The following THSD7B variants were observed in gnomAD, a reference collection of about 807,000 sequenced individuals.
The protein encoded by THSD7B is thrombospondin type 1 domain containing 7B, also known as thrombospondin type-1 domain-containing protein 7B.
In THSD7B, 138 loss-of-function variants were observed where a neutral mutation model predicts 213.6. The ratio of observed to expected loss-of-function variants is 0.65; its 90% CI spans 0.56 to 0.74. The LOEUF (loss-of-function observed/expected upper bound fraction) is 0.74. Among genes scored for constraint, THSD7B ranks in the 30% least tolerant of loss-of-function variants. The pLI is 0.00. For missense variants in THSD7B, 1,931 were observed against 1,991.5 expected, an observed-to-expected ratio of 0.97 and a Z score of 0.58; for synonymous variants, 742 against 687.0, an observed-to-expected ratio of 1.08 and a Z score of -1.25.
rs1021763319 is a variant in THSD7B, at chr2:137,017,242, G to A, written c.140-39178G>A. On this transcript the variant is annotated intron_variant, in intron 2 of 27. Transcript: ENST00000409968. ...AAAAGAAAACAGCAAACATGGAATA[G>A]GTAGCTGAGGCGAAACTGAAGTTGA... 6.6e-5 allele frequency among the ~76,000 whole-genome samples: 10 copies of A among 151,796 alleles called. No individual in the cohort carries two copies. In the East Asian group the frequency reaches 1.9e-3, roughly 29 times the overall value.
chr2:137,044,432 C>T lies in THSD7B; in HGVS notation c.140-11988C>T, dbSNP rs112444163. 5.9e-3 allele frequency among the ~76,000 whole-genome samples: 905 copies of T among 152,204 alleles called. 12 individuals carry two copies. Among genetic ancestry groups the T allele is most frequent in the African/African-American group, 0.021 (876 of 41,522 alleles). On this transcript the variant is annotated intron_variant, in intron 2 of 27. Transcript: ENST00000409968. ...GGTTACTATGATGAACCTGTGACCA[C>T]CATGATAATTTCATCTCCCAGCACT...
At chr2:137,226,619 A>G (rs1251944505) in intron 7 of THSD7B, among the ~76,000 whole-genome samples, 2 of 151,798 alleles carry the variant, frequency 1.3e-5, no homozygotes, top group Non-Finnish European at 2.9e-5. Context: ...GGCAGGTATT[A>G]GAAGAGTAGT....
chr2:137,397,497 C>T (rs1686223791), intron 12 of THSD7B, among the ~76,000 whole-genome samples: 1 of 151,846 alleles, frequency 6.6e-6, no homozygotes, highest in Non-Finnish European at 1.5e-5. Context: ...TTGGCCCCCA[C>T]TCTCTTCTGG....
At chr2:137,577,930 G>A (rs1375730285) in intron 17 of THSD7B, among the ~76,000 whole-genome samples, 1 of 152,174 alleles carries the variant, frequency 6.6e-6, no homozygotes, top group African/African-American at 2.4e-5. Context: ...GAGAATTGGA[G>A]AGAGAAGAGA....
intron 15 of THSD7B, among the ~76,000 whole-genome samples, chr2:137,499,668 G>A (rs1679655498): frequency 1.3e-5 from 2 of 152,100 alleles, no homozygotes; most frequent in South Asian, 4.1e-4. Flanking sequence ...CTCACCAATG[G>A]ATATGAGACA....
At chr2:137,412,718 G>A (rs1481682381) in intron 14 of THSD7B, among the ~76,000 whole-genome samples, 1 of 151,196 alleles carries the variant, frequency 6.6e-6, no homozygotes, top group Non-Finnish European at 1.5e-5. Context: ...AGTTTTGTCA[G>A]ATGTTAATCT....
intron 20 of THSD7B, 123 bp from the exon 21 acceptor site, chr2:137,642,364 GT>G: frequency 8.3e-7 from 1 of 1,201,240 alleles, no homozygotes; most frequent in Non-Finnish European, 1.1e-6. Flanking sequence ...AAAACTAAAA[GT>G]GAGATAGGAC....
At chr2:137,604,790 T>C (rs1237521028) in intron 17 of THSD7B, among the ~76,000 whole-genome samples, 3 of 152,200 alleles carry the variant, frequency 2.0e-5, no homozygotes, top group South Asian at 4.1e-4. Context: ...ACAATATAAC[T>C]ATTACCTTAA....
In THSD7B at chr2:137,094,435, G is replaced by T. The variant is rs539635614; in HGVS notation, c.951-438G>T. On this transcript the variant is annotated intron_variant, in intron 3 of 27. Coordinates refer to ENST00000409968, the MANE Select transcript of THSD7B (RefSeq NM_001316349.2). ...AAAATACAAAAATTAGCTGGGCATG[G>T]TGGTGTGTTTCTGTAGTCTCAGCTA... Among the ~76,000 whole-genome samples the T allele has an allele frequency of 3.3e-5, 5 of 152,244 alleles. No homozygotes were observed. In the South Asian group the frequency reaches 6.2e-4, roughly 19 times the overall value.
intron 12 of THSD7B, among the ~76,000 whole-genome samples, chr2:137,293,510 A>C (rs767505943): frequency 8.1e-5 from 12 of 148,434 alleles, no homozygotes; most frequent in Non-Finnish European, 1.6e-4. Context: ...CTCTCTCTCT[A>C]TCTTTCTATC....
chr2:137,436,909 T>A (rs764199426), intron 14 of THSD7B, among the ~76,000 whole-genome samples: 3 of 152,162 alleles, frequency 2.0e-5, no homozygotes, highest in Non-Finnish European at 4.4e-5. Context: ...AGGTGTGAAA[T>A]CAAAGCCAGA....
At chr2:136,782,621 G>A (rs1681763148) in intron 1 of THSD7B, among the ~76,000 whole-genome samples, 2 of 151,966 alleles carry the variant, frequency 1.3e-5, no homozygotes, top group South Asian at 2.1e-4. Flanking sequence ...GGCTGGGGTG[G>A]TTGGGGGGTT....
intron 7 of THSD7B, among the ~76,000 whole-genome samples, chr2:137,189,412 C>A (rs906675987): frequency 1.3e-5 from 2 of 152,156 alleles, no homozygotes; most frequent in Admixed American, 1.3e-4. Context: ...TTGTCCACAT[C>A]CATTATGATG....
At chr2:137,209,121 A>G (rs1024151017) in intron 7 of THSD7B, among the ~76,000 whole-genome samples, 1 of 152,070 alleles carries the variant, frequency 6.6e-6, no homozygotes, top group African/African-American at 2.4e-5. Flanking sequence ...CCCAGGAATG[A>G]CCAAGGACAG....
At chr2:136,965,200 C>T (rs1419321425) in intron 2 of THSD7B, among the ~76,000 whole-genome samples, 1 of 152,138 alleles carries the variant, frequency 6.6e-6, no homozygotes, top group Non-Finnish European at 1.5e-5. Context: ...GCACAGTTAA[C>T]ACGGCTTCTA....
At chr2:137,359,433 A>T (rs1259991220) in intron 12 of THSD7B, among the ~76,000 whole-genome samples, 2 of 152,202 alleles carry the variant, frequency 1.3e-5, no homozygotes, top group Non-Finnish European at 1.5e-5. Context: ...ACATCAGAGT[A>T]GAGGAAGAGG....
intron 13 of THSD7B, 128 bp from the exon 14 acceptor site, chr2:137,411,481 A>G (rs2105012465): frequency 1.1e-6 from 1 of 874,106 alleles, no homozygotes; most frequent in South Asian, 2.2e-5. Context: ...TTTCATGACA[A>G]AAGAGTGAAG....
chr2:137,643,520 A>G (rs1682975427), intron 21 of THSD7B, among the ~76,000 whole-genome samples: 1 of 152,228 alleles, frequency 6.6e-6, no homozygotes, highest in Admixed American at 6.5e-5. Context: ...TCATTTTTAG[A>G]GAAAATAAGA....
At chr2:137,494,506 G>A (rs937119838) in intron 15 of THSD7B, among the ~76,000 whole-genome samples, 6 of 152,090 alleles carry the variant, frequency 3.9e-5, no homozygotes, top group African/African-American at 1.4e-4. Context: ...GTGATCATGT[G>A]ACACATGGAT....
Sources: allele counts gnomAD v4.1 joint callset (sites outside exome capture counted in the v4.1 genomes callset), GRCh38; gene constraint gnomAD v4.1.1; transcripts MANE v1.5; gene names NCBI Gene and HGNC (gene_info 2026-07-23, HGNC 2026-07-21).